Variants in SGIP1 observed in about 807,000 individuals in gnomAD.
The protein encoded by SGIP1 is SH3-containing GRB2-like protein 3-interacting protein 1.
Under a neutral mutation model 107.5 loss-of-function variants are expected in SGIP1, and 38 were observed. That is an observed-to-expected ratio of 0.35 (90% CI 0.27 to 0.46). The LOEUF (loss-of-function observed/expected upper bound fraction) is 0.46. SGIP1 is among the 20% of genes least tolerant of loss of function. The pLI is 1.00. For missense variants in SGIP1, 929 were observed against 1,019.5 expected (o/e 0.91, Z 1.21); for synonymous variants, 365 against 366.1 (o/e 1.00, Z 0.03).
intron 1 of SGIP1, among the ~76,000 whole-genome samples, chr1:66,617,964 G>A (rs11208924): frequency 0.13 from 20,402 of 152,192 alleles, 1,788 homozygotes; most frequent in East Asian, 0.31. Context: ...GTTTTAAAAT[G>A]TGATCTGCTA....
At chr1:66,550,060 C>G (rs1357664321) in intron 1 of SGIP1, among the ~76,000 whole-genome samples, 2 of 152,130 alleles carry the variant, frequency 1.3e-5, no homozygotes, top group Non-Finnish European at 2.9e-5. Flanking sequence ...CCACTCTGCT[C>G]TATAAGCACC....
chr1:66,732,437 G>A (rs2094054564), intron 20 of SGIP1, among the ~76,000 whole-genome samples: 1 of 152,002 alleles, frequency 6.6e-6, no homozygotes. Flanking sequence ...ACTGAAAAGG[G>A]GCAAAGTCTT....
chr1:66,711,753 T>G (rs555517223), intron 18 of SGIP1, among the ~76,000 whole-genome samples: 16 of 152,280 alleles, frequency 1.1e-4, no homozygotes, highest in African/African-American at 3.6e-4. Context: ...GGACAGTCTT[T>G]AAACAAATCA....
chr1:66,547,207 T>A (rs1476039102), intron 1 of SGIP1, among the ~76,000 whole-genome samples: 1 of 152,162 alleles, frequency 6.6e-6, no homozygotes, highest in African/African-American at 2.4e-5. Context: ...AATTTCCATG[T>A]CTACAAATGA....
intron 1 of SGIP1, among the ~76,000 whole-genome samples, chr1:66,551,602 T>C (rs1311366311): frequency 2.0e-5 from 3 of 152,182 alleles, no homozygotes; most frequent in Non-Finnish European, 2.9e-5. Flanking sequence ...TAATAAGATA[T>C]ACATTTAAGA....
At chr1:66,561,371 ATC>A (rs765567416) in intron 1 of SGIP1, among the ~76,000 whole-genome samples, 47 of 151,996 alleles carry the variant, frequency 3.1e-4, no homozygotes, top group Non-Finnish European at 6.6e-4. Context: ...CTTGTTCACA[ATC>A]TTTCCACTAC....
intron 12 of SGIP1, among the ~76,000 whole-genome samples, chr1:66,676,127 T>G (rs1278301522): frequency 6.6e-6 from 1 of 152,200 alleles, no homozygotes; most frequent in African/African-American, 2.4e-5. Flanking sequence ...TTCATAACTC[T>G]CTAAGGTTGC....
intron 16 of SGIP1, 47 bp from the exon 17 acceptor site, chr1:66,690,143 C>A: frequency 6.2e-7 from 1 of 1,605,244 alleles, no homozygotes; most frequent in Non-Finnish European, 8.5e-7. Context: ...AGCAAAAATA[C>A]TGCAACCTGT....
Position 66,743,726 on chromosome 1 carries a change from C to G in SGIP1, c.*631C>G, listed in dbSNP as rs936636166. On this transcript the variant is annotated 3_prime_UTR_variant, in exon 25 of 25. Coordinates refer to ENST00000371037, the MANE Select transcript of SGIP1 (RefSeq NM_032291.4). ...ATTCAAAGAAAAGCATTAGTTACCA[C>G]TTTTTAAAAAGCTTTTTTTTCAAAC... is the stretch of plus-strand genomic sequence containing the variant. 6.6e-6 allele frequency: 1 copy of G among 152,510 alleles called. No individual in the cohort carries two copies. The highest frequency in any genetic ancestry group is 2.4e-5 in the African/African-American group (1 of 41,440). 9.4% of individuals were successfully genotyped at this position (152,510 alleles called of 1,614,324 possible). A position where few individuals can be genotyped will look rare whatever the true frequency, so the allele number is the denominator to read the frequency against.
chr1:66,558,781 G>A (rs1416191539), intron 1 of SGIP1, among the ~76,000 whole-genome samples: 1 of 149,642 alleles, frequency 6.7e-6, no homozygotes, highest in Non-Finnish European at 1.5e-5. Context: ...TTGTGGGTGT[G>A]TAGTTCTCTT....
intron 1 of SGIP1, among the ~76,000 whole-genome samples, chr1:66,554,137 A>G (rs1487813447): frequency 6.6e-6 from 1 of 152,162 alleles, no homozygotes; most frequent in East Asian, 1.9e-4. Context: ...CACAGCTCCA[A>G]GAATTTTCTT....
chr1:66,545,668 G>GTGTGTA (rs1553200760), intron 1 of SGIP1, among the ~76,000 whole-genome samples: 1 of 150,508 alleles, frequency 6.6e-6, no homozygotes, highest in African/African-American at 2.5e-5. Flanking sequence ...GTGTGTGTGT[G>GTGTGTA]TATACATACA....
intron 1 of SGIP1, among the ~76,000 whole-genome samples, chr1:66,550,180 C>T (rs1378217504): frequency 1.3e-5 from 2 of 152,172 alleles, no homozygotes; most frequent in Non-Finnish European, 1.5e-5. Context: ...AATCTTCAGA[C>T]TTCATCATTT....
chr1:66,731,119 C>G (rs1448030623), intron 20 of SGIP1, among the ~76,000 whole-genome samples: 1 of 152,190 alleles, frequency 6.6e-6, no homozygotes, highest in Non-Finnish European at 1.5e-5. Flanking sequence ...GTAGCACTTA[C>G]TACAGTTAAT....
intron 1 of SGIP1, among the ~76,000 whole-genome samples, chr1:66,574,146 T>C (rs2060744230): frequency 6.6e-6 from 1 of 152,118 alleles, no homozygotes; most frequent in South Asian, 2.1e-4. Flanking sequence ...TTTCCATCCC[T>C]GTATCTCTAA....
chr1:66,661,620 A>G (rs972498736), intron 8 of SGIP1, among the ~76,000 whole-genome samples: 1 of 152,214 alleles, frequency 6.6e-6, no homozygotes, highest in African/African-American at 2.4e-5. Context: ...TTCAGAGTCA[A>G]CTATGCATCG....
chr1:66,718,858 C>T (rs1054919896), intron 18 of SGIP1, among the ~76,000 whole-genome samples: 1 of 151,976 alleles, frequency 6.6e-6, no homozygotes, highest in Admixed American at 6.6e-5. Context: ...TAATGTGATA[C>T]CACTTGGCTG....
intron 18 of SGIP1, among the ~76,000 whole-genome samples, chr1:66,708,846 G>T (rs111916321): frequency 1.3e-5 from 2 of 152,104 alleles, no homozygotes; most frequent in African/African-American, 4.8e-5. Context: ...TTATGAAGAG[G>T]AAGACTGGAA....
chr1:66,725,826 G>A (rs996422417), intron 19 of SGIP1, among the ~76,000 whole-genome samples: 5 of 152,186 alleles, frequency 3.3e-5, no homozygotes, highest in African/African-American at 9.6e-5. Flanking sequence ...GTTTCACTGA[G>A]GCACTCTACT....
Sources: allele counts gnomAD v4.1 joint callset (sites outside exome capture counted in the v4.1 genomes callset), GRCh38; gene constraint gnomAD v4.1.1; transcripts MANE v1.5; gene names NCBI Gene and HGNC (gene_info 2026-07-23, HGNC 2026-07-21).